The following ARMCX4 variants were observed in gnomAD, a reference collection of about 807,000 sequenced individuals.
ARMCX4 encodes armadillo repeat containing X-linked 4.
A neutral mutation model predicts 34.7 loss-of-function variants in ARMCX4; 3 were observed. The observed-to-expected ratio is 0.09, with a 90% CI of 0.04 to 0.22. The LOEUF (loss-of-function observed/expected upper bound fraction) is 0.22. ARMCX4 is among the 10% of genes least tolerant of loss of function. ARMCX4 has a pLI of 1.00. For missense variants in ARMCX4, 1,448 were observed against 1,720.8 expected (o/e 0.84, Z 2.81); for synonymous variants, 513 against 632.8 (o/e 0.81, Z 2.84).
In ARMCX4 at chrX:101,507,456, C is replaced by T. The variant is rs914144634; in HGVS notation, c.*1597-1908C>T. On this transcript the variant is annotated intron_variant and NMD_transcript_variant, in intron 8 of 12. Transcript: ENST00000354842. ...GTTGTCCATTATATAAATTTTTTCC[C>T]TAGAGTTCATGGATCCTTCTGTATT... Among the ~76,000 whole-genome samples, 3 of 111,425 alleles carry T rather than the reference C, an allele frequency of 2.7e-5. No homozygotes were observed. In the Admixed American group the frequency reaches 2.9e-4, roughly 11 times the overall value.
chrX:101,478,045 A>G, intron 4 of ARMCX4, among the ~76,000 whole-genome samples: 1 of 112,001 alleles, frequency 8.9e-6, no homozygotes, highest in Non-Finnish European at 1.9e-5. Flanking sequence ...TGAAACGTGA[A>G]AAGCATTCCT....
upstream of ARMCX4, among the ~76,000 whole-genome samples, chrX:101,484,305 C>A (rs1228059251): frequency 1.8e-5 from 2 of 111,858 alleles, no homozygotes; most frequent in Non-Finnish European, 3.8e-5. Context: ...AGTGTTACGA[C>A]GGATGAAAAT....
At chrX:101,451,871 A>G, downstream of ARMCX4, among the ~76,000 whole-genome samples, 1 of 112,409 alleles carries the variant, frequency 8.9e-6, no homozygotes, top group Non-Finnish European at 1.9e-5. Flanking sequence ...TTGGGAGTTT[A>G]TTCAAGTGAA....
chrX:101,498,768 C>T (rs1406621131), downstream of ARMCX4: 3 of 111,790 alleles, frequency 2.7e-5, no homozygotes, highest in Non-Finnish European at 3.8e-5. Context: ...AGGAATGGGA[C>T]TCTGACACTT....
chrX:101,526,126 G>A lies in ARMCX4; in HGVS notation c.*1781-5518G>A, dbSNP rs782712849. ...CAAAGGGAAGCTCATCAGACTAACAGGGGATCTCTCAGCAGAAATTCTACA... is the reference window on the plus strand; with the variant it reads ...CAAAGGGAAGCTCATCAGACTAACAAGGGATCTCTCAGCAGAAATTCTACA... On this transcript the variant is annotated intron_variant and NMD_transcript_variant, in intron 11 of 12. Coordinates refer to the ARMCX4 transcript ENST00000354842. Among the ~76,000 whole-genome samples, 9 of 112,160 alleles carry A rather than the reference G, an allele frequency of 8.0e-5. No individual in the cohort carries two copies. The East Asian group carries it at 2.5e-3, about 31-fold the overall frequency.
chrX:101,494,253 TAG>T lies in ARMCX4; in HGVS notation c.5669_5670del (p.Glu1890ValfsTer4), dbSNP rs1556011137. ...ARNVGEDELS[R>X]ESSPDIEEIS... ...GGAATGTGGGAGAGGATGAGCTAAG[TAG>T]AGAGTCCAGCCCTGATATTGAGGAG... On this transcript the variant is annotated frameshift_variant, in exon 6 of 6. Transcript: ENST00000423738. LOFTEE classifies it high-confidence loss of function. 1 of 1,154,361 alleles carries T rather than the reference TAG, an allele frequency of 8.7e-7. No individual in the cohort carries two copies. The highest frequency in any genetic ancestry group is 1.1e-6 in the Non-Finnish European group (1 of 872,027).
intron 8 of ARMCX4, among the ~76,000 whole-genome samples, chrX:101,505,898 A>G (rs965367971): frequency 3.7e-4 from 41 of 111,901 alleles, no homozygotes; most frequent in African/African-American, 1.3e-3. Flanking sequence ...CTGAAGTGCA[A>G]TGGCACAATC....
intron 2 of ARMCX4, among the ~76,000 whole-genome samples, chrX:101,439,536 T>G (rs1931084920): frequency 8.9e-6 from 1 of 111,991 alleles, no homozygotes; most frequent in Non-Finnish European, 1.9e-5. Context: ...CTTGCTAGAT[T>G]GGGGAAATTC....
intron 2 of ARMCX4, among the ~76,000 whole-genome samples, chrX:101,436,238 A>G (rs1930756472): frequency 9.1e-6 from 1 of 110,262 alleles, no homozygotes; most frequent in Admixed American, 9.7e-5. Flanking sequence ...CTTGGGCAGT[A>G]TGGCCATTTT....
At chrX:101,476,216 G>T (rs1422496241) in intron 4 of ARMCX4, among the ~76,000 whole-genome samples, 1 of 108,816 alleles carries the variant, frequency 9.2e-6, no homozygotes, top group South Asian at 4.0e-4. Context: ...TCCAGGCCCT[G>T]TTTCAGGTAC....
At chrX:101,514,901 G>A (rs1934673936) in intron 11 of ARMCX4, among the ~76,000 whole-genome samples, 1 of 111,434 alleles carries the variant, frequency 9.0e-6, no homozygotes, top group African/African-American at 3.3e-5. Context: ...ATTCCTTAAC[G>A]AAGGTCCCCA....
chrX:101,487,988 A>ATCTG (rs781892048), intron 4 of ARMCX4, 56 bp from the exon 5 acceptor site: 2 of 683,012 alleles, frequency 2.9e-6, no homozygotes, highest in Non-Finnish European at 4.0e-6. Context: ...CTGTCCCTCC[A>ATCTG]TCTGTCTGTC....
chrX:101,480,501 G>A (rs1439184737), upstream of ARMCX4, among the ~76,000 whole-genome samples: 1 of 111,703 alleles, frequency 9.0e-6, no homozygotes, highest in East Asian at 2.8e-4. Flanking sequence ...AGGGGTTCAA[G>A]GCAGCAGTGA....
chrX:101,508,859 T>A (rs992078197), intron 8 of ARMCX4, among the ~76,000 whole-genome samples: 2 of 111,812 alleles, frequency 1.8e-5, no homozygotes, highest in African/African-American at 6.5e-5. Flanking sequence ...CACCCCTGCT[T>A]ATTGTAATCA....
chrX:101,482,496 C>T (rs1310913551), upstream of ARMCX4, among the ~76,000 whole-genome samples: 1 of 110,746 alleles, frequency 9.0e-6, no homozygotes, highest in Non-Finnish European at 1.9e-5. Context: ...TAAGCTCAAA[C>T]AATCTTCTTG....
intron 2 of ARMCX4, among the ~76,000 whole-genome samples, chrX:101,438,101 A>G (rs1555995548): frequency 1.8e-5 from 2 of 111,567 alleles, no homozygotes; most frequent in African/African-American, 6.5e-5. Context: ...CAATTTTGGA[A>G]TAGGTGTGGT....
chrX:101,454,547 A>G (rs1244948995), intron 4 of ARMCX4, among the ~76,000 whole-genome samples: 2 of 109,085 alleles, frequency 1.8e-5, no homozygotes, highest in Non-Finnish European at 3.8e-5. Context: ...CGGCCTCCCA[A>G]AGTGCTGGGA....
At chrX:101,483,550 G>A (rs1603204462), upstream of ARMCX4, among the ~76,000 whole-genome samples, 1 of 111,533 alleles carries the variant, frequency 9.0e-6, no homozygotes, top group Admixed American at 9.5e-5. Context: ...ATGTTTATTA[G>A]TAATCTATTT....
chrX:101,439,921 A>G (rs1931135455), intron 2 of ARMCX4, among the ~76,000 whole-genome samples: 1 of 111,370 alleles, frequency 9.0e-6, no homozygotes, highest in Non-Finnish European at 1.9e-5. Context: ...CATGGGTTCA[A>G]ACTTCCTCCT....
Sources: allele counts gnomAD v4.1 joint callset (sites outside exome capture counted in the v4.1 genomes callset), GRCh38; gene constraint gnomAD v4.1.1; transcripts MANE v1.5; gene names NCBI Gene and HGNC (gene_info 2026-07-23, HGNC 2026-07-21).